Variants in CACNA1A observed in about 807,000 individuals in gnomAD.
CACNA1A encodes voltage-dependent P/Q-type calcium channel subunit alpha-1A.
Under a neutral mutation model 262.4 loss-of-function variants are expected in CACNA1A, and 57 were observed. The ratio of observed to expected loss-of-function variants is 0.22; its 90% CI spans 0.18 to 0.27. The LOEUF is 0.27. Ranked by LOEUF, CACNA1A falls within the 10% of genes least tolerant of loss-of-function variation. CACNA1A has a pLI of 1.00. For missense variants in CACNA1A, 2,526 were observed against 3,562.8 expected, an observed-to-expected ratio of 0.71 and a Z score of 7.41; for synonymous variants, 1,431 against 1,419.3, an observed-to-expected ratio of 1.01 and a Z score of -0.18.
At chr19:13,465,588 G>A (rs748392648) in intron 1 of CACNA1A, among the ~76,000 whole-genome samples, 1 of 151,842 alleles carries the variant, frequency 6.6e-6, no homozygotes, top group Non-Finnish European at 1.5e-5. Context: ...GGGCTCAATC[G>A]ATCCTCTCGC....
At chr19:13,219,802 AATT>A (rs1203015388) in intron 38 of CACNA1A, among the ~76,000 whole-genome samples, 1 of 151,804 alleles carries the variant, frequency 6.6e-6, no homozygotes, top group African/African-American at 2.4e-5. Context: ...AAATACAAAA[AATT>A]ATCCGGGCGT....
intron 3 of CACNA1A, among the ~76,000 whole-genome samples, chr19:13,428,334 T>G (rs2060442982): frequency 6.6e-6 from 1 of 152,226 alleles, no homozygotes; most frequent in South Asian, 2.1e-4. Flanking sequence ...CCTGGATTAT[T>G]AGGCTGATGA....
intron 31 of CACNA1A, 188 bp from the exon 32 acceptor site, chr19:13,235,918 G>T (rs2055857356): frequency 7.3e-6 from 4 of 550,600 alleles, no homozygotes; most frequent in Non-Finnish European, 1.3e-5. Context: ...AAGGAATAAT[G>T]TTGGGAGAGA....
rs1568619127 is a variant in CACNA1A at position 13,411,714 on chromosome 19, C to CT, written c.540-39936_540-39935insA. ...TCTCCTTCTCTCTCTCTCTCTCTCTCCCCATTCTCCTTTTTGAGACAGGGT... is the reference window on the plus strand; with the variant it reads ...TCTCCTTCTCTCTCTCTCTCTCTCTCTCCCATTCTCCTTTTTGAGACAGGGT... On this transcript the variant is annotated intron_variant, in intron 3 of 46. Transcript: ENST00000360228. 2.8e-3 allele frequency among the ~76,000 whole-genome samples: 417 copies of CT among 151,420 alleles called. 1 individual carries two copies. Among genetic ancestry groups the CT allele is most frequent in the African/African-American group, 9.6e-3 (395 of 41,014 alleles).
At chr19:13,252,133 G>A (rs2056416370) in intron 30 of CACNA1A, among the ~76,000 whole-genome samples, 1 of 151,948 alleles carries the variant, frequency 6.6e-6, no homozygotes, top group Admixed American at 6.6e-5. Context: ...CATGATCATA[G>A]CTCACTGCAA....
intron 3 of CACNA1A, among the ~76,000 whole-genome samples, chr19:13,425,134 G>T (rs1427246567): frequency 1.3e-5 from 2 of 152,122 alleles, no homozygotes; most frequent in South Asian, 2.1e-4. Context: ...AGTAAGCTGG[G>T]TAATAAGACT....
chr19:13,413,570 TTA>T (rs1491527473), intron 3 of CACNA1A, among the ~76,000 whole-genome samples: 6 of 49,290 alleles, frequency 1.2e-4, no homozygotes, highest in Non-Finnish European at 4.1e-5. Context: ...AGGTCCTGTC[TTA>T]AAAAAAAAAA....
intron 1 of CACNA1A, among the ~76,000 whole-genome samples, chr19:13,502,476 C>T (rs1233810012): frequency 6.6e-6 from 1 of 152,088 alleles, no homozygotes; most frequent in African/African-American, 2.4e-5. Flanking sequence ...GGGGAGGGAA[C>T]TCTAGGAAGG....
At chr19:13,288,266 G>A (rs1471246264) in intron 19 of CACNA1A, among the ~76,000 whole-genome samples, 1 of 149,838 alleles carries the variant, frequency 6.7e-6, no homozygotes, top group East Asian at 2.0e-4. Context: ...CTGAGACAGA[G>A]CCTCACTCTG....
chr19:13,312,454 G>A (rs959912982), intron 12 of CACNA1A, among the ~76,000 whole-genome samples: 1 of 152,120 alleles, frequency 6.6e-6, no homozygotes, highest in Admixed American at 6.6e-5. Context: ...CTTTCCAAAG[G>A]GGGTCTATAC....
At chr19:13,255,057 G>A (rs779324991) in intron 29 of CACNA1A, 38 bp downstream of exon 29, 1 of 1,607,362 alleles carries the variant, frequency 6.2e-7, no homozygotes, top group South Asian at 1.1e-5. Flanking sequence ...AACGAGGTGG[G>A]GGTTAAGTAG....
chr19:13,234,618 C>T (rs182668978), intron 34 of CACNA1A, among the ~76,000 whole-genome samples: 10 of 152,036 alleles, frequency 6.6e-5, no homozygotes, highest in Admixed American at 2.6e-4. Flanking sequence ...GGGCCCCCCA[C>T]GACACCCATT....
At position 13,261,469 on chromosome 19, in the gene CACNA1A, C is replaced by A; in HGVS notation, c.4231G>T (p.Glu1411Ter). ...ACCCACCGACAATCTTTCTCAAACT[C>A]TTTGGACTCGTCAGTGCAGTGGAAG... ...KFFHCTDESK[E>*]FEKDCRGKYL... is the part of the protein sequence containing the mutation. Residue 1411 changes from glutamate (E) to a stop codon, truncating the protein, a stop_gained, in exon 26 of 47, where the codon GAG becomes TAG. Coordinates refer to ENST00000360228, the MANE Select transcript of CACNA1A (RefSeq NM_001127222.2). LOFTEE classifies it high-confidence loss of function. 1 of 1,578,692 alleles carries A rather than the reference C, an allele frequency of 6.3e-7. No individual in the cohort carries two copies. The highest frequency in any genetic ancestry group is 8.6e-7 in the Non-Finnish European group (1 of 1,162,348).
At chr19:13,420,250 G>C (rs2060296660) in intron 3 of CACNA1A, among the ~76,000 whole-genome samples, 1 of 151,398 alleles carries the variant, frequency 6.6e-6, no homozygotes. Context: ...TGCACAGAAA[G>C]GCTCGCTCTC....
intron 5 of CACNA1A, among the ~76,000 whole-genome samples, chr19:13,360,982 T>G (rs1447760983): frequency 6.6e-6 from 1 of 152,232 alleles, no homozygotes; most frequent in African/African-American, 2.4e-5. Flanking sequence ...GTCCATAATA[T>G]AGTCAGTTTT....
At chr19:13,375,413 C>G (rs1052059096) in intron 3 of CACNA1A, among the ~76,000 whole-genome samples, 1 of 151,834 alleles carries the variant, frequency 6.6e-6, no homozygotes, top group African/African-American at 2.4e-5. Context: ...TTTAAGTGCT[C>G]AAGTGAAAAG....
At chr19:13,250,780 A>G (rs2056374392) in intron 30 of CACNA1A, among the ~76,000 whole-genome samples, 1 of 152,212 alleles carries the variant, frequency 6.6e-6, no homozygotes, top group African/African-American at 2.4e-5. Flanking sequence ...AGGCTTGTAA[A>G]TGCATAACAA....
Position 13,259,551 on chromosome 19 carries a change from T to C in CACNA1A, c.4388+13A>G, listed in dbSNP as rs980485807. On this transcript the variant is annotated intron_variant, in intron 27 of 46. Coordinates refer to ENST00000360228, the MANE Select transcript of CACNA1A (RefSeq NM_001127222.2). ...GGGCTCCTCCTGGATAGATTTCCAG[T>C]CGGGCCACTTACTGTGGCCAGCCTT... 1 of 1,595,172 alleles carries C rather than the reference T, an allele frequency of 6.3e-7. No individual in the cohort carries two copies. The highest frequency in any genetic ancestry group is 8.5e-7 in the Non-Finnish European group (1 of 1,169,774).
Position 13,212,032 on chromosome 19 carries a change from T to G in CACNA1A, c.6303+71A>C. The G allele has an allele frequency of 8.9e-7, 1 of 1,117,888 alleles. No individual in the cohort carries two copies. The highest frequency in any genetic ancestry group is 1.3e-6 in the Non-Finnish European group (1 of 754,516). The allele number at this position is 1,117,888 out of a possible 1,614,324, so 69.2% of individuals were successfully genotyped here. On this transcript the variant is annotated intron_variant, in intron 43 of 46. Transcript: ENST00000360228. This position sits in a 1 kb window ranked among gnomAD's most constrained non-coding sequence, Gnocchi z 5.6. Reference sequence around the variant, plus strand: ...CAGGGAGGGGATGCACTGGGCTGCTTGTGGGGGGGCCTGGCCCTACCCAGT... The same window carrying G: ...CAGGGAGGGGATGCACTGGGCTGCTGGTGGGGGGGCCTGGCCCTACCCAGT...
Sources: allele counts gnomAD v4.1 joint callset (sites outside exome capture counted in the v4.1 genomes callset), GRCh38; gene constraint gnomAD v4.1.1; non-coding constraint Gnocchi (gnomAD v3.1); transcripts MANE v1.5; gene names NCBI Gene and HGNC (gene_info 2026-07-23, HGNC 2026-07-21).